ASTN2: variants seen among roughly 807,000 people sequenced by gnomAD.
ASTN2 encodes astrotactin-2.
ASTN2 carries 54 observed loss-of-function variants against 139.8 expected under a neutral mutation model. That is an observed-to-expected ratio of 0.39 (90% CI 0.31 to 0.48). The LOEUF (loss-of-function observed/expected upper bound fraction) is 0.48, where lower values mean the gene tolerates loss of function less well. ASTN2 is among the 20% of genes least tolerant of loss of function. The pLI is 0.95. For missense variants in ASTN2, 1,565 were observed against 1,725.1 expected (o/e 0.91, Z 1.64); for synonymous variants, 756 against 719.5 (o/e 1.05, Z -0.81).
intron 16 of ASTN2, among the ~76,000 whole-genome samples, chr9:116,708,799 T>C (rs1225241156): frequency 6.6e-6 from 1 of 152,234 alleles, no homozygotes; most frequent in Non-Finnish European, 1.5e-5. Context: ...GGAGACAGCA[T>C]ATTTCTCATT....
At chr9:116,672,410 A>G (rs1167398515) in intron 16 of ASTN2, among the ~76,000 whole-genome samples, 1 of 152,152 alleles carries the variant, frequency 6.6e-6, no homozygotes, top group Non-Finnish European at 1.5e-5. Flanking sequence ...AGACTCAGAC[A>G]TATTTGTTAG....
intron 20 of ASTN2, among the ~76,000 whole-genome samples, chr9:116,474,000 A>G (rs1446090334): frequency 6.6e-6 from 1 of 152,158 alleles, no homozygotes; most frequent in Non-Finnish European, 1.5e-5. Context: ...CTGCATGTGT[A>G]TTTGTTTCAC....
At chr9:116,596,950 A>C (rs1854606655) in intron 19 of ASTN2, among the ~76,000 whole-genome samples, 1 of 152,178 alleles carries the variant, frequency 6.6e-6, no homozygotes, top group Non-Finnish European at 1.5e-5. Context: ...ACAATGAGAA[A>C]GTAGGCTAGT....
chr9:117,023,347 G>A (rs1837949399), intron 6 of ASTN2, among the ~76,000 whole-genome samples: 1 of 152,044 alleles, frequency 6.6e-6, no homozygotes, highest in African/African-American at 2.4e-5. Flanking sequence ...TCACCCAAAT[G>A]GTTTTGACTG....
At chr9:116,695,800 A>G (rs990156642) in intron 16 of ASTN2, among the ~76,000 whole-genome samples, 1 of 152,196 alleles carries the variant, frequency 6.6e-6, no homozygotes, top group Non-Finnish European at 1.5e-5. Context: ...CTTCATAAGT[A>G]TATGTATATC....
intron 6 of ASTN2, among the ~76,000 whole-genome samples, chr9:117,020,417 A>G (rs952535204): frequency 6.6e-6 from 1 of 151,876 alleles, no homozygotes; most frequent in Non-Finnish European, 1.5e-5. Context: ...GCACTGGGCC[A>G]AGATAGGTGG....
chr9:116,839,372 TATC>T (rs1832121024), intron 11 of ASTN2, among the ~76,000 whole-genome samples: 1 of 152,164 alleles, frequency 6.6e-6, no homozygotes, highest in Admixed American at 6.5e-5. Context: ...ATAATCTACA[TATC>T]ATAAAATTTA....
At chr9:117,118,473 G>A (rs1013934772) in intron 4 of ASTN2, among the ~76,000 whole-genome samples, 1 of 152,012 alleles carries the variant, frequency 6.6e-6, no homozygotes, top group African/African-American at 2.4e-5. Context: ...ATTAGATGAA[G>A]CTATCATCGT....
At chr9:116,562,304 G>A (rs10116835) in intron 19 of ASTN2, 26,401 of 152,070 alleles carry the variant, frequency 0.17, 2,614 homozygotes, top group African/African-American at 0.26. Flanking sequence ...ATTAACCAAC[G>A]TTTTTCCAAA....
Position 117,279,109 on chromosome 9 carries a change from A to G in ASTN2, c.630+12217T>C, listed in dbSNP as rs146433556. 7.6e-3 allele frequency among the ~76,000 whole-genome samples: 1,159 copies of G among 152,338 alleles called. 14 individuals carry two copies. Among genetic ancestry groups the G allele is most frequent in the African/African-American group, 0.026 (1,095 of 41,584 alleles). ...TCATCAATTCTAAATATCTGTGGCC[A>G]GAAAGAACTGGCTGCCTTCTTCCAT... On this transcript the variant is annotated intron_variant, in intron 2 of 22. Coordinates refer to ENST00000313400, the MANE Select transcript of ASTN2 (RefSeq NM_001365068.1).
intron 3 of ASTN2, among the ~76,000 whole-genome samples, chr9:117,189,001 A>G (rs2132963584): frequency 6.6e-6 from 1 of 152,166 alleles, no homozygotes; most frequent in African/African-American, 2.4e-5. Flanking sequence ...AGGACTTCAT[A>G]ATTCTAGTGT....
At chr9:116,591,773 C>T (rs537408112) in intron 19 of ASTN2, among the ~76,000 whole-genome samples, 81 of 152,260 alleles carry the variant, frequency 5.3e-4, no homozygotes, top group African/African-American at 1.8e-3. Flanking sequence ...ACAAAGTGGG[C>T]TCTGTGAAGC....
chr9:116,484,481 G>A (rs931745653), intron 20 of ASTN2, among the ~76,000 whole-genome samples: 8 of 152,062 alleles, frequency 5.3e-5, no homozygotes, highest in Non-Finnish European at 1.0e-4. Context: ...AGAGGAAGAC[G>A]AATTTGGGTA....
At chr9:116,523,004 C>A (rs1196440042) in intron 19 of ASTN2, among the ~76,000 whole-genome samples, 1 of 152,106 alleles carries the variant, frequency 6.6e-6, no homozygotes, top group African/African-American at 2.4e-5. Context: ...ATATGCCCTA[C>A]GAACCCACCA....
rs540939780 is a variant in ASTN2, at chr9:116,549,187, G to A, written c.3356-61687C>T. ...ACCACAAAAATGTCAGTAATAAAAA[G>A]ATCAGAGGAGGAGGAGGAGGAAGCT... On this transcript the variant is annotated intron_variant, in intron 19 of 22. Transcript: ENST00000313400. Among the ~76,000 whole-genome samples, 4 of 149,224 alleles carry A rather than the reference G, an allele frequency of 2.7e-5. No individual in the cohort carries two copies. The East Asian group carries it at 7.9e-4, about 30-fold the overall frequency.
intron 10 of ASTN2, among the ~76,000 whole-genome samples, chr9:116,952,263 G>A (rs1418370062): frequency 2.0e-5 from 3 of 152,156 alleles, no homozygotes; most frequent in Non-Finnish European, 2.9e-5. Context: ...CCATAGACAT[G>A]ACTAATCAAT....
chr9:116,989,076 C>T (rs1836766285), intron 7 of ASTN2, among the ~76,000 whole-genome samples: 1 of 152,094 alleles, frequency 6.6e-6, no homozygotes, highest in African/African-American at 2.4e-5. Flanking sequence ...ATAAATTAAG[C>T]CAAGAGTAAT....
chr9:116,911,669 C>T (rs561746660), intron 10 of ASTN2, among the ~76,000 whole-genome samples: 2 of 152,212 alleles, frequency 1.3e-5, no homozygotes, highest in Non-Finnish European at 2.9e-5. Context: ...CTTTGGGAGG[C>T]CGAGGCAGGC....
At chr9:116,952,078 C>T (rs1425982067) in intron 10 of ASTN2, among the ~76,000 whole-genome samples, 1 of 152,188 alleles carries the variant, frequency 6.6e-6, no homozygotes, top group Non-Finnish European at 1.5e-5. Context: ...AATATGTAAG[C>T]TTTTCCATTA....
Sources: gnomAD v4.1 joint callset for allele counts (sites outside exome capture counted in the v4.1 genomes callset) on GRCh38, gnomAD v4.1.1 for gene constraint, MANE v1.5 for transcripts, NCBI Gene and HGNC (gene_info 2026-07-23, HGNC 2026-07-21) for gene names.